The following CSNK1G1 variants were observed in gnomAD, a reference collection of about 807,000 sequenced individuals.
The protein encoded by CSNK1G1 is casein kinase 1 gamma 1.
A neutral mutation model predicts 59.6 loss-of-function variants in CSNK1G1; 22 were observed. The observed-to-expected ratio is 0.37, with a 90% confidence interval of 0.26 to 0.53. CSNK1G1 has a LOEUF of 0.53. Ranked by LOEUF, CSNK1G1 falls within the 20% of genes least tolerant of loss-of-function variation. The pLI is 0.89. For missense variants in CSNK1G1, 384 were observed against 519.5 expected (o/e 0.74, Z 2.54); for synonymous variants, 179 against 177.1 (o/e 1.01, Z -0.08).
chr15:64,247,729 G>A (rs1891833279), intron 4 of CSNK1G1, among the ~76,000 whole-genome samples: 1 of 152,082 alleles, frequency 6.6e-6, no homozygotes, highest in Non-Finnish European at 1.5e-5. Flanking sequence ...TGTGAAACTG[G>A]GGTCCAAAAG....
At chr15:64,314,165 C>A (rs908955598) in intron 1 of CSNK1G1, among the ~76,000 whole-genome samples, 1 of 152,060 alleles carries the variant, frequency 6.6e-6, no homozygotes, top group African/African-American at 2.4e-5. Context: ...GAGTGTAGTG[C>A]CTGTTCACAG....
chr15:64,294,605 G>T (rs1894913510), intron 2 of CSNK1G1, among the ~76,000 whole-genome samples: 1 of 151,898 alleles, frequency 6.6e-6, no homozygotes. Flanking sequence ...AATACACATG[G>T]CTCATTTTAA....
rs547876144 is a variant in CSNK1G1, at chr15:64,188,510, G to C, written c.1108-8056C>G. ...TCTGCTTAGGCGTTAGAAAGCATGA[G>C]AGCAAGATATGGAAGGAAAGGTGAA... On this transcript the variant is annotated intron_variant, in intron 10 of 11. Coordinates refer to ENST00000303052, the MANE Select transcript of CSNK1G1 (RefSeq NM_022048.5). The surrounding 1 kb of genome is among the most constrained non-coding windows in gnomAD (Gnocchi z 4.2). 3.5e-5 allele frequency: 53 copies of C among 1,498,888 alleles called. No individual in the cohort carries two copies. In the South Asian group the frequency reaches 5.4e-4, roughly 15 times the overall value. The allele number at this position is 1,498,888 out of a possible 1,614,324, so 92.8% of individuals were successfully genotyped here.
At chr15:64,327,008 G>A (rs1896881154) in intron 1 of CSNK1G1, among the ~76,000 whole-genome samples, 2 of 150,930 alleles carry the variant, frequency 1.3e-5, no homozygotes, top group African/African-American at 2.4e-5. Context: ...TCCCACACCT[G>A]GCTCGGAGGG....
chr15:64,190,419 T>C (rs562584403), intron 10 of CSNK1G1, among the ~76,000 whole-genome samples: 1 of 152,236 alleles, frequency 6.6e-6, no homozygotes, highest in South Asian at 2.1e-4. Flanking sequence ...AACTTATTTT[T>C]ATTTTTTTGG....
At chr15:64,251,225 T>C (rs1892063865) in intron 4 of CSNK1G1, among the ~76,000 whole-genome samples, 1 of 152,188 alleles carries the variant, frequency 6.6e-6, no homozygotes, top group South Asian at 2.1e-4. Context: ...GAAAAGAGAA[T>C]GAACTGCTGA....
rs1346508543 is a variant in CSNK1G1, at chr15:64,176,312, CAGAA to C, written c.1214+4032_1214+4035del. The C allele has an allele frequency of 2.5e-6, 1 of 398,420 alleles. No individual in the cohort carries two copies. The highest frequency in any genetic ancestry group is 4.4e-6 in the Non-Finnish European group (1 of 226,016). 24.7% of individuals were successfully genotyped at this position (398,420 alleles called of 1,614,324 possible). A position where few individuals can be genotyped will look rare whatever the true frequency, so the allele number is the denominator to read the frequency against. On this transcript the variant is annotated intron_variant, in intron 11 of 11. Transcript: ENST00000303052. This position sits in a 1 kb window ranked among gnomAD's most constrained non-coding sequence, Gnocchi z 5.2. The stretch of plus-strand genomic sequence containing the variant: ...TACAGAGTATATAAAGAGAAAAACA[CAGAA>C]AGGAAGAGAGAGAAAGAGAGAGATA...
chr15:64,353,973 A>G (rs1898483782), intron 1 of CSNK1G1, among the ~76,000 whole-genome samples: 1 of 152,118 alleles, frequency 6.6e-6, no homozygotes. Flanking sequence ...AATCTAACTG[A>G]GATGAGAGGT....
intron 4 of CSNK1G1, among the ~76,000 whole-genome samples, chr15:64,233,800 T>C (rs113156836): frequency 0.014 from 2,099 of 152,276 alleles, 13 homozygotes; most frequent in Non-Finnish European, 0.02. Flanking sequence ...TTAAGCTCCA[T>C]TTAAGACTAG....
At chr15:64,195,663 A>T (rs2082029021) in intron 10 of CSNK1G1, among the ~76,000 whole-genome samples, 1 of 152,202 alleles carries the variant, frequency 6.6e-6, no homozygotes, top group Non-Finnish European at 1.5e-5. Flanking sequence ...AATGCAAAGG[A>T]CGTTTTGCCA....
intron 1 of CSNK1G1, among the ~76,000 whole-genome samples, chr15:64,345,879 A>T (rs1184696768): frequency 6.6e-6 from 1 of 151,660 alleles, no homozygotes; most frequent in African/African-American, 2.4e-5. Flanking sequence ...GCAACCTCCT[A>T]CTCCCTGGTT....
intron 4 of CSNK1G1, among the ~76,000 whole-genome samples, chr15:64,242,247 T>A (rs951344746): frequency 6.6e-6 from 1 of 152,206 alleles, no homozygotes; most frequent in Admixed American, 6.5e-5. Flanking sequence ...GCTTCTGATA[T>A]AGTTCAAATA....
At chr15:64,309,971 AGCAGGGTG>A (rs993231937) in intron 1 of CSNK1G1, among the ~76,000 whole-genome samples, 7 of 150,056 alleles carry the variant, frequency 4.7e-5, no homozygotes, top group African/African-American at 1.5e-4. Context: ...TTTTTAAATT[AGCAGGGTG>A]GCACATGCCT....
intron 1 of CSNK1G1, among the ~76,000 whole-genome samples, chr15:64,346,716 C>T (rs561095393): frequency 6.6e-6 from 1 of 152,068 alleles, no homozygotes; most frequent in Non-Finnish European, 1.5e-5. Flanking sequence ...CCTTGGCCCC[C>T]CAAAGTGCTG....
intron 2 of CSNK1G1, among the ~76,000 whole-genome samples, chr15:64,263,714 C>G (rs566225849): frequency 2.1e-4 from 32 of 151,182 alleles, no homozygotes; most frequent in Admixed American, 2.0e-3. Flanking sequence ...CAGTTACCAC[C>G]TAACCATCTG....
intron 1 of CSNK1G1, among the ~76,000 whole-genome samples, chr15:64,304,343 AT>A (rs1265864506): frequency 7.0e-6 from 1 of 142,820 alleles, no homozygotes; most frequent in Non-Finnish European, 1.5e-5. Context: ...AGATCACGCC[AT>A]TGAACTCCAG....
rs1332518958 is a variant in CSNK1G1 at position 64,168,952 on chromosome 15, C to G, written c.*2979G>C. 1.3e-5 allele frequency: 2 copies of G among 152,724 alleles called. No homozygotes were observed. Among genetic ancestry groups the G allele is most frequent in the East Asian group, 3.9e-4 (2 of 5,180 alleles). 9.5% of individuals were successfully genotyped at this position (152,724 alleles called of 1,614,324 possible). A position where few individuals can be genotyped will look rare whatever the true frequency, so the allele number is the denominator to read the frequency against. On this transcript the variant is annotated 3_prime_UTR_variant, in exon 12 of 12. Transcript: ENST00000303052. ...CTAAAGGGACCTGGGATTCTTTACC[C>G]TTGTTATAAAAACCAAATATCTAGT...
intron 4 of CSNK1G1, among the ~76,000 whole-genome samples, chr15:64,248,220 G>A (rs928640058): frequency 1.3e-5 from 2 of 152,164 alleles, no homozygotes; most frequent in Admixed American, 6.6e-5. Flanking sequence ...AAAATAGGGG[G>A]AGGAATGCTG....
At chr15:64,186,155 G>A (rs2081892964) in intron 10 of CSNK1G1, among the ~76,000 whole-genome samples, 1 of 152,068 alleles carries the variant, frequency 6.6e-6, no homozygotes, top group Non-Finnish European at 1.5e-5. Flanking sequence ...CGCCCAGGCT[G>A]GAGTGCAGGG....
Sources: gnomAD v4.1 joint callset for allele counts (sites outside exome capture counted in the v4.1 genomes callset) on GRCh38, gnomAD v4.1.1 for gene constraint, Gnocchi (gnomAD v3.1) non-coding constraint, MANE v1.5 for transcripts, NCBI Gene and HGNC (gene_info 2026-07-23, HGNC 2026-07-21) for gene names.